ARHGEF4: variants seen among roughly 807,000 people sequenced by gnomAD.
ARHGEF4 encodes APC-stimulated guanine nucleotide exchange factor 1.
Under a neutral mutation model 162.0 loss-of-function variants are expected in ARHGEF4, and 119 were observed. That is an observed-to-expected ratio of 0.73 (90% CI 0.63 to 0.86). The LOEUF (loss-of-function observed/expected upper bound fraction) is 0.86. Ranked by LOEUF, ARHGEF4 falls within the 40% of genes least tolerant of loss-of-function variation. The pLI, the probability that ARHGEF4 is intolerant of heterozygous loss-of-function variation, is 0.00. For missense variants in ARHGEF4, 2,488 were observed against 2,456.0 expected, an observed-to-expected ratio of 1.01 and a Z score of -0.28; for synonymous variants, 1,014 against 979.9, an observed-to-expected ratio of 1.03 and a Z score of -0.65.
At chr2:130,958,419 C>CG (rs1402185460) in intron 4 of ARHGEF4, among the ~76,000 whole-genome samples, 3 of 149,506 alleles carry the variant, frequency 2.0e-5, no homozygotes, top group Non-Finnish European at 4.4e-5. Context: ...GCTGGGGAGG[C>CG]GGTGGGAGGC....
At chr2:130,845,354 T>A (rs1669102335) in intron 1 of ARHGEF4, among the ~76,000 whole-genome samples, 3 of 151,876 alleles carry the variant, frequency 2.0e-5, no homozygotes, top group Admixed American at 2.0e-4. Context: ...AAAATGTTTT[T>A]AAAAAAATTA....
At chr2:130,963,859 G>C (rs1363338717) in intron 4 of ARHGEF4, 4 of 2,134 alleles carry the variant, frequency 1.9e-3, no homozygotes, top group South Asian at 0.013. Flanking sequence ...AGCCCGAGCG[G>C]GGGGTCGGCT....
At chr2:131,030,116 G>A (rs1000291299) in intron 5 of ARHGEF4, among the ~76,000 whole-genome samples, 1 of 152,238 alleles carries the variant, frequency 6.6e-6, no homozygotes, top group Non-Finnish European at 1.5e-5. Flanking sequence ...TCAGGACTCC[G>A]GAGAGGTGGG....
At chr2:130,940,831 C>CAAAAAAAAAA (rs1196586339) in intron 3 of ARHGEF4, among the ~76,000 whole-genome samples, 1 of 43,408 alleles carries the variant, frequency 2.3e-5, no homozygotes, top group Non-Finnish European at 4.7e-5. Flanking sequence ...GACTCCGTCT[C>CAAAAAAAAAA]AAAAAAAAAA....
chr2:130,839,807 C>A (rs529653422), intron 1 of ARHGEF4, among the ~76,000 whole-genome samples: 1 of 152,182 alleles, frequency 6.6e-6, no homozygotes, highest in African/African-American at 2.4e-5. Flanking sequence ...CTGCTGCCTG[C>A]CTGGAGCCGT....
intron 4 of ARHGEF4, among the ~76,000 whole-genome samples, chr2:130,976,076 G>A (rs1255559199): frequency 5.9e-5 from 9 of 152,018 alleles, no homozygotes; most frequent in Admixed American, 1.3e-4. Context: ...TACTCTGCTC[G>A]GACTGCCTCC....
intron 4 of ARHGEF4, among the ~76,000 whole-genome samples, chr2:130,988,891 T>TAG (rs1480358392): frequency 2.8e-4 from 32 of 116,260 alleles, no homozygotes; most frequent in South Asian, 7.2e-4. Flanking sequence ...TATATATATA[T>TAG]ATATATATAT....
intron 1 of ARHGEF4, chr2:130,837,607 C>T (rs1680284998): frequency 4.4e-6 from 2 of 451,858 alleles, no homozygotes; most frequent in East Asian, 7.3e-5. Context: ...GACGCCTCCA[C>T]CTCGCTGCCC....
At chr2:131,039,904 G>T (rs1320273372) in intron 6 of ARHGEF4, 112 bp from the exon 7 acceptor site, 6 of 1,462,558 alleles carry the variant, frequency 4.1e-6, no homozygotes, top group Non-Finnish European at 5.4e-6. Context: ...TCAGCCCTGC[G>T]CCCCGTACAC....
At chr2:130,839,226 C>T (rs1418136774) in intron 1 of ARHGEF4, among the ~76,000 whole-genome samples, 1 of 152,172 alleles carries the variant, frequency 6.6e-6, no homozygotes, top group Admixed American at 6.5e-5. Context: ...AGGAATACCC[C>T]GTGAGGACAC....
chr2:130,867,065 T>C (rs1414673330), intron 1 of ARHGEF4, among the ~76,000 whole-genome samples: 1 of 152,182 alleles, frequency 6.6e-6, no homozygotes, highest in Non-Finnish European at 1.5e-5. Flanking sequence ...TCCTGAATTA[T>C]ATGTGTCTCC....
chr2:131,039,038 G>C lies in ARHGEF4; in HGVS notation c.4305+6G>C. On this transcript the variant is annotated splice_donor_region_variant and intron_variant, in intron 6 of 13. Coordinates refer to ENST00000409359, the MANE Select transcript of ARHGEF4 (RefSeq NM_001367493.1). ...TTCCAGCCAGCTTCGTTCGGGTATG[G>C]TTCCAAGCCCCAGCTTCTCCCAAGT... The C allele has an allele frequency of 6.2e-7, 1 of 1,602,442 alleles. No individual in the cohort carries two copies. Among genetic ancestry groups the C allele is most frequent in the South Asian group, 1.1e-5 (1 of 90,224 alleles).
intron 1 of ARHGEF4, among the ~76,000 whole-genome samples, chr2:130,869,384 G>A (rs1035620694): frequency 7.2e-5 from 11 of 152,200 alleles, no homozygotes; most frequent in African/African-American, 1.9e-4. Flanking sequence ...AGGAAGTCTC[G>A]CAGGGCTCCG....
intron 4 of ARHGEF4, among the ~76,000 whole-genome samples, chr2:131,011,111 T>C (rs2105332194): frequency 6.6e-6 from 1 of 152,350 alleles, no homozygotes; most frequent in South Asian, 2.1e-4. Flanking sequence ...ATTTCTCTTA[T>C]GTGAAGTGAA....
At chr2:131,011,597 C>G (rs1007130656) in intron 4 of ARHGEF4, 4 of 1,517,406 alleles carry the variant, frequency 2.6e-6, no homozygotes, top group Non-Finnish European at 3.5e-6. Context: ...TGCTATTAAT[C>G]CCCCCATTGG....
At chr2:130,992,506 C>G (rs1454596656) in intron 4 of ARHGEF4, among the ~76,000 whole-genome samples, 1 of 152,020 alleles carries the variant, frequency 6.6e-6, no homozygotes, top group African/African-American at 2.4e-5. Flanking sequence ...CGGGGAAGGT[C>G]TGCAGCTTCA....
intron 1 of ARHGEF4, among the ~76,000 whole-genome samples, chr2:130,889,835 A>G (rs1679751860): frequency 6.6e-6 from 1 of 150,408 alleles, no homozygotes; most frequent in South Asian, 2.1e-4. Context: ...AAAAAAAAGT[A>G]CTTGCTATTG....
At chr2:130,889,436 C>G (rs1020324674) in intron 1 of ARHGEF4, among the ~76,000 whole-genome samples, 1 of 152,036 alleles carries the variant, frequency 6.6e-6, no homozygotes, top group African/African-American at 2.4e-5. Flanking sequence ...TAAGATTGCT[C>G]TCCTTCTGTC....
At chr2:130,979,854 A>G (rs1558800123) in intron 4 of ARHGEF4, among the ~76,000 whole-genome samples, 2 of 152,082 alleles carry the variant, frequency 1.3e-5, no homozygotes, top group Admixed American at 1.3e-4. Context: ...TAAAATAGTC[A>G]TTCAGGTAGC....
Sources: allele counts gnomAD v4.1 joint callset (sites outside exome capture counted in the v4.1 genomes callset), GRCh38; gene constraint gnomAD v4.1.1; transcripts MANE v1.5; gene names NCBI Gene and HGNC (gene_info 2026-07-23, HGNC 2026-07-21).